The following PHACTR1 variants were observed in gnomAD, a reference collection of about 807,000 sequenced individuals.
PHACTR1 encodes the protein phosphatase and actin regulator 1.
In PHACTR1, 16 loss-of-function variants were observed where a neutral mutation model predicts 69.2. That is an observed-to-expected ratio of 0.23 (90% CI 0.16 to 0.35). The LOEUF (loss-of-function observed/expected upper bound fraction) is 0.35. Ranked by LOEUF, PHACTR1 falls within the 10% of genes least tolerant of loss-of-function variation. The pLI, the probability that PHACTR1 is intolerant of heterozygous loss-of-function variation, is 1.00. For synonymous variants in PHACTR1, 312 were observed against 284.5 expected (o/e 1.10, Z -0.97); for missense variants, 510 against 734.7 (o/e 0.69, Z 3.54).
intron 4 of PHACTR1, among the ~76,000 whole-genome samples, chr6:12,967,756 T>C (rs916108892): frequency 6.6e-6 from 1 of 152,246 alleles, no homozygotes; most frequent in Non-Finnish European, 1.5e-5. Flanking sequence ...CTTTCAAGTA[T>C]CCTGGACGGA....
chr6:13,119,649 G>C (rs775360146), intron 5 of PHACTR1, among the ~76,000 whole-genome samples: 1 of 152,184 alleles, frequency 6.6e-6, no homozygotes, highest in South Asian at 2.1e-4. Flanking sequence ...AGGAGGTTCA[G>C]ACCTCTGCCT....
chr6:12,809,949 C>T (rs1309176772), intron 4 of PHACTR1, among the ~76,000 whole-genome samples: 2 of 152,264 alleles, frequency 1.3e-5, no homozygotes, highest in South Asian at 2.1e-4. Context: ...AGGCCTCATA[C>T]TCAAAAGGAA....
Position 12,829,521 on chromosome 6 carries a change from G to A in PHACTR1, c.250+79731G>A, listed in dbSNP as rs1394905108. ...TACTATGCTTTAGAAACGTTGACTG[G>A]CAACCTGGATTAGTGGCTTGGAGTA... On this transcript the variant is annotated intron_variant, in intron 4 of 14. Coordinates refer to ENST00000332995, the MANE Select transcript of PHACTR1 (RefSeq NM_030948.6). Among the ~76,000 whole-genome samples the A allele has an allele frequency of 3.9e-5, 6 of 152,146 alleles. No individual in the cohort carries two copies. In the South Asian group the frequency reaches 1.2e-3, roughly 32 times the overall value.
intron 4 of PHACTR1, among the ~76,000 whole-genome samples, chr6:13,050,890 C>T (rs1167363926): frequency 1.3e-5 from 2 of 152,276 alleles, no homozygotes; most frequent in East Asian, 3.9e-4. Context: ...CAGAGAGTTA[C>T]CAAATCTGCT....
chr6:12,966,152 C>T (rs1793457916), intron 4 of PHACTR1, among the ~76,000 whole-genome samples: 1 of 152,004 alleles, frequency 6.6e-6, no homozygotes, highest in Non-Finnish European at 1.5e-5. Context: ...GTCTGGAGGG[C>T]CTGAGAGTCA....
At chr6:13,254,785 G>A (rs925400295) in intron 10 of PHACTR1, among the ~76,000 whole-genome samples, 3 of 152,194 alleles carry the variant, frequency 2.0e-5, no homozygotes, top group Non-Finnish European at 4.4e-5. Flanking sequence ...GTTTTTCAGT[G>A]TGACTCATGT....
chr6:13,277,683 T>C (rs495895), intron 11 of PHACTR1, among the ~76,000 whole-genome samples: 115,940 of 152,100 alleles, frequency 0.76, 45,106 homozygotes, highest in Non-Finnish European at 0.84. Context: ...TGCGGTGGCT[T>C]GCACCTGTAA....
At chr6:13,162,587 C>T (rs2113562046) in intron 6 of PHACTR1, among the ~76,000 whole-genome samples, 1 of 152,292 alleles carries the variant, frequency 6.6e-6, no homozygotes, top group South Asian at 2.1e-4. Context: ...AAAACTTGTT[C>T]AGATCCACTT....
At chr6:12,731,976 CTTT>C (rs70987093) in intron 3 of PHACTR1, among the ~76,000 whole-genome samples, 3 of 141,894 alleles carry the variant, frequency 2.1e-5, no homozygotes, top group Non-Finnish European at 1.5e-5. Context: ...AAAGTTTTAC[CTTT>C]TTTTTTTTTT....
intron 7 of PHACTR1, among the ~76,000 whole-genome samples, chr6:13,193,067 A>G (rs1233653404): frequency 6.6e-6 from 1 of 152,090 alleles, no homozygotes; most frequent in African/African-American, 2.4e-5. Context: ...CATATTGGTC[A>G]AACTCATGGT....
intron 4 of PHACTR1, among the ~76,000 whole-genome samples, chr6:13,019,359 G>A (rs968649503): frequency 6.6e-6 from 1 of 152,160 alleles, no homozygotes; most frequent in South Asian, 2.1e-4. Flanking sequence ...GAGTTTTTAC[G>A]ATGCTGTTGC....
At chr6:12,783,592 G>A (rs1247665808) in intron 4 of PHACTR1, among the ~76,000 whole-genome samples, 1 of 152,092 alleles carries the variant, frequency 6.6e-6, no homozygotes, top group Non-Finnish European at 1.5e-5. Flanking sequence ...TGATCAAATT[G>A]TGAAGAAAGA....
rs201935034 is a variant in PHACTR1 at position 13,139,550 on chromosome 6, G to T, written c.416-20654G>T. Among the ~76,000 whole-genome samples the T allele has an allele frequency of 2.0e-5, 3 of 152,102 alleles. No individual in the cohort carries two copies. In the East Asian group the frequency reaches 5.8e-4, roughly 29 times the overall value. On this transcript the variant is annotated intron_variant, in intron 5 of 14. Transcript: ENST00000332995. Reference sequence around the variant, plus strand: ...TATTCCCAAAAAACTTTCATTTGAGGAACTGAACTTGAAAGAACAGCATTG... The same window carrying T: ...TATTCCCAAAAAACTTTCATTTGAGTAACTGAACTTGAAAGAACAGCATTG...
At chr6:12,763,121 G>A (rs1277202799) in intron 4 of PHACTR1, among the ~76,000 whole-genome samples, 1 of 152,196 alleles carries the variant, frequency 6.6e-6, no homozygotes, top group Admixed American at 6.5e-5. Context: ...CCTGAGGCAG[G>A]AGAATCACTT....
intron 4 of PHACTR1, chr6:12,957,799 C>T: frequency 1.0e-6 from 1 of 985,534 alleles, no homozygotes; most frequent in Non-Finnish European, 1.2e-6. Context: ...TCCCCTTCTC[C>T]ATTCCATCCC....
At chr6:12,717,794 C>G (rs1005775229) in intron 2 of PHACTR1, 51 bp downstream of exon 2, 3 of 152,052 alleles carry the variant, frequency 2.0e-5, no homozygotes, top group Non-Finnish European at 4.4e-5. Context: ...AAAGTTTTGT[C>G]TTACCGGACT....
At chr6:12,781,478 G>A (rs1486901381) in intron 4 of PHACTR1, among the ~76,000 whole-genome samples, 2 of 152,176 alleles carry the variant, frequency 1.3e-5, no homozygotes, top group Non-Finnish European at 2.9e-5. Flanking sequence ...TTTTCCAAAT[G>A]GGCCTACACG....
chr6:12,903,926 GCAT>G (rs2127485937), intron 4 of PHACTR1, among the ~76,000 whole-genome samples: 1 of 151,980 alleles, frequency 6.6e-6, no homozygotes, highest in South Asian at 2.1e-4. Context: ...TTATAATTTA[GCAT>G]CTTATTAAGG....
At chr6:13,083,005 A>G (rs1358646571) in intron 5 of PHACTR1, among the ~76,000 whole-genome samples, 1 of 152,220 alleles carries the variant, frequency 6.6e-6, no homozygotes, top group Admixed American at 6.5e-5. Context: ...AGTTTTAGAC[A>G]TGAAGTCCTT....
Sources: allele counts gnomAD v4.1 joint callset (sites outside exome capture counted in the v4.1 genomes callset), GRCh38; gene constraint gnomAD v4.1.1; transcripts MANE v1.5; gene names NCBI Gene and HGNC (gene_info 2026-07-23, HGNC 2026-07-21).